The following DLGAP3 variants were observed in gnomAD, a reference collection of about 807,000 sequenced individuals.
DLGAP3 encodes the protein disks large-associated protein 3.
A neutral mutation model predicts 81.2 loss-of-function variants in DLGAP3; 17 were observed. The observed-to-expected ratio is 0.21, with a 90% CI of 0.14 to 0.31. The LOEUF (loss-of-function observed/expected upper bound fraction) is 0.31. Among genes scored for constraint, DLGAP3 ranks in the 10% least tolerant of loss-of-function variants. DLGAP3 has a pLI of 1.00. For missense variants in DLGAP3, 1,124 were observed against 1,388.0 expected, an observed-to-expected ratio of 0.81 and a Z score of 3.02; for synonymous variants, 577 against 587.4, an observed-to-expected ratio of 0.98 and a Z score of 0.26.
rs1442315991 is a variant in DLGAP3 at position 34,886,021 on chromosome 1, C to CAGGGCGCTCTCCTGCCT, written c.1600+34_1600+50dup. ...CGAGGGGGAGGCCAGAACCCGGACC[C>CAGGGCGCTCTCCTGCCT]AGGGCGCTCTCCTGCCTAGGGCCGG... On this transcript the variant is annotated intron_variant, in intron 6 of 11. Coordinates refer to ENST00000373347, the MANE Select transcript of DLGAP3 (RefSeq NM_001080418.3). 3.3e-6 allele frequency: 5 copies of CAGGGCGCTCTCCTGCCT among 1,524,194 alleles called. No homozygotes were observed. In the African/African-American group the frequency reaches 6.8e-5, roughly 21 times the overall value. The allele number at this position is 1,524,194 out of a possible 1,614,324, so 94.4% of individuals were successfully genotyped here. A position where few individuals can be genotyped will look rare whatever the true frequency, so the allele number is the denominator to read the frequency against.
At chr1:34,911,513 C>G (rs1351085786) in intron 1 of DLGAP3, among the ~76,000 whole-genome samples, 1 of 152,144 alleles carries the variant, frequency 6.6e-6, no homozygotes, top group East Asian at 1.9e-4. Flanking sequence ...AAGCTGGGGG[C>G]CGACGGAAGC....
chr1:34,929,261 C>T lies in DLGAP3; in HGVS notation c.-135+190G>A, dbSNP rs1213236591. Reference sequence around the variant, plus strand: ...CTGCCCGCCCCTCGGGTCGGGCCCGCGGGCAGCCAGGCCGGGGCAGGAGCG... The same window carrying T: ...CTGCCCGCCCCTCGGGTCGGGCCCGTGGGCAGCCAGGCCGGGGCAGGAGCG... On this transcript the variant is annotated intron_variant, in intron 1 of 11. Transcript: ENST00000373347. This position sits in a 1 kb window ranked among gnomAD's most constrained non-coding sequence, Gnocchi z 6.5. 1.3e-5 allele frequency among the ~76,000 whole-genome samples: 2 copies of T among 151,154 alleles called. No homozygotes were observed. The highest frequency in any genetic ancestry group is 3.0e-5 in the Non-Finnish European group (2 of 67,574).
chr1:34,874,255 A>G (rs1639018729), intron 8 of DLGAP3, among the ~76,000 whole-genome samples: 1 of 152,180 alleles, frequency 6.6e-6, no homozygotes, highest in Admixed American at 6.5e-5. Context: ...CCAGACCTCA[A>G]CTAACTCTCC....
intron 8 of DLGAP3, among the ~76,000 whole-genome samples, chr1:34,871,184 T>A (rs1638973591): frequency 2.0e-5 from 3 of 152,102 alleles, no homozygotes; most frequent in Non-Finnish European, 4.4e-5. Context: ...CAAGACAAAG[T>A]TCAGACTTCC....
intron 1 of DLGAP3, among the ~76,000 whole-genome samples, chr1:34,919,694 C>T (rs1000617186): frequency 6.6e-6 from 1 of 152,144 alleles, no homozygotes; most frequent in Non-Finnish European, 1.5e-5. Flanking sequence ...ACAGGGGAAT[C>T]GCTTGAAAGC....
At chr1:34,872,380 A>G (rs1412941785) in intron 8 of DLGAP3, among the ~76,000 whole-genome samples, 1 of 152,200 alleles carries the variant, frequency 6.6e-6, no homozygotes, top group Admixed American at 6.5e-5. Context: ...AAACTAGTCA[A>G]GGCAACCCTC....
intron 5 of DLGAP3, among the ~76,000 whole-genome samples, chr1:34,897,439 G>A (rs563393263): frequency 6.6e-6 from 1 of 152,134 alleles, no homozygotes; most frequent in Non-Finnish European, 1.5e-5. Context: ...GGAGTGGCTG[G>A]GAAGGGGACA....
chr1:34,899,096 T>C (rs1639417366), intron 5 of DLGAP3, among the ~76,000 whole-genome samples: 1 of 151,734 alleles, frequency 6.6e-6, no homozygotes, highest in East Asian at 1.9e-4. Context: ...ACTTTTTTTT[T>C]TTTTTTTTTT....
In DLGAP3 at chr1:34,873,494, T is replaced by C. The variant is rs1639009034; in HGVS notation, c.2001-4405A>G. On this transcript the variant is annotated intron_variant, in intron 8 of 11. Coordinates refer to ENST00000373347, the MANE Select transcript of DLGAP3 (RefSeq NM_001080418.3). The surrounding 1 kb of genome is among the most constrained non-coding windows in gnomAD (Gnocchi z 4.2). Reference sequence around the variant, plus strand: ...TGAGAATGATAATAGTAGCAGTTCATAAGATTGTTGTGAGATAATATCCAT... The same window carrying C: ...TGAGAATGATAATAGTAGCAGTTCACAAGATTGTTGTGAGATAATATCCAT... Among the ~76,000 whole-genome samples the C allele has an allele frequency of 6.6e-6, 1 of 152,184 alleles. No homozygotes were observed.
chr1:34,917,316 T>C (rs1639733177), intron 1 of DLGAP3, among the ~76,000 whole-genome samples: 2 of 151,850 alleles, frequency 1.3e-5, no homozygotes, highest in Admixed American at 6.6e-5. Context: ...ATACACCTCA[T>C]GTGCATTTCC....
chr1:34,868,483 G>A lies in DLGAP3; in HGVS notation c.2485+122C>T, dbSNP rs933694345. ...CGCCACGCTCCAGTGCAGAAGACCAGTGAGGCACCAACCGAAGGGGCCTCC... is the reference window on the plus strand; with the variant it reads ...CGCCACGCTCCAGTGCAGAAGACCAATGAGGCACCAACCGAAGGGGCCTCC... On this transcript the variant is annotated intron_variant, in intron 9 of 11. Transcript: ENST00000373347. This position sits in a 1 kb window ranked among gnomAD's most constrained non-coding sequence, Gnocchi z 7.5. The A allele has an allele frequency of 1.1e-5, 9 of 802,734 alleles. No homozygotes were observed. Among genetic ancestry groups the A allele is most frequent in the African/African-American group, 1.0e-4 (6 of 59,154 alleles). 49.7% of individuals were successfully genotyped at this position (802,734 alleles called of 1,614,324 possible).
In DLGAP3 at chr1:34,867,586, G is replaced by A. The variant is rs777127004; in HGVS notation, c.2527C>T (p.Leu843Phe). 4.3e-6 allele frequency: 7 copies of A among 1,614,156 alleles called. No homozygotes were observed. The highest frequency in any genetic ancestry group is 5.9e-6 in the Non-Finnish European group (7 of 1,179,988). The change falls in exon 10 of 12, where the codon CTC becomes TTC. Residue 843 changes from leucine to phenylalanine, a missense_variant. Physicochemically the swap from Leu to Phe is conservative, Grantham distance 22. This residue lies in a region of DLGAP3 where 5 missense variants were observed against 29.5 expected (regional missense o/e 0.17). Coordinates refer to ENST00000373347, the MANE Select transcript of DLGAP3 (RefSeq NM_001080418.3). This position sits in a 1 kb window ranked among gnomAD's most constrained non-coding sequence, Gnocchi z 4.3. ...IRSAVGSTQLLLSQKVQQFFR... is the reference protein window; with the variant it reads ...IRSAVGSTQLFLSQKVQQFFR... Reference sequence around the variant, plus strand: ...AACTGCTGAACCTTCTGGGACAGGAGAAGTTGTGTGCTGCCCACAGCACTG... The same window carrying A: ...AACTGCTGAACCTTCTGGGACAGGAAAAGTTGTGTGCTGCCCACAGCACTG...
At position 34,866,259 on chromosome 1, in the gene DLGAP3, G is replaced by A; in HGVS notation, c.2764C>T (p.Arg922Trp). 6.4e-7 allele frequency: 1 copy of A among 1,557,118 alleles called. No individual in the cohort carries two copies. Among genetic ancestry groups the A allele is most frequent in the Non-Finnish European group, 8.7e-7 (1 of 1,153,402 alleles). Residue 922 changes from arginine (R) to tryptophan (W), a missense_variant, in exon 12 of 12, where the codon CGG (arginine) becomes TGG (tryptophan). This residue lies in a region of DLGAP3 where 133 missense variants were observed against 171.1 expected (regional missense o/e 0.78). Transcript: ENST00000373347. ...TCCTTCACCGGCACGCCCCGGCCCCGCAGGGGCTTCTTTGGTATCGGCGGA... is the reference window on the plus strand; with the variant it reads ...TCCTTCACCGGCACGCCCCGGCCCCACAGGGGCTTCTTTGGTATCGGCGGA... ...VPPPIPKKPL[R>W]GRGVPVKERS...
At chr1:34,893,279 C>G (rs1639342997) in intron 5 of DLGAP3, among the ~76,000 whole-genome samples, 1 of 151,650 alleles carries the variant, frequency 6.6e-6, no homozygotes, top group Non-Finnish European at 1.5e-5. Context: ...ATTTTATATC[C>G]AGCAAAACTA....
intron 8 of DLGAP3, among the ~76,000 whole-genome samples, chr1:34,879,366 T>C (rs1639111105): frequency 6.6e-6 from 1 of 152,070 alleles, no homozygotes; most frequent in South Asian, 2.1e-4. Context: ...TGCACGCAGT[T>C]CACAATAGGG....
chr1:34,914,922 G>A (rs775856855), intron 1 of DLGAP3, among the ~76,000 whole-genome samples: 26 of 152,216 alleles, frequency 1.7e-4, no homozygotes, highest in African/African-American at 5.3e-4. Context: ...CACCCTAAGC[G>A]TACCAAAGAC....
At position 34,884,960 on chromosome 1, in the gene DLGAP3, C is replaced by T. The variant is rs1336972258; in HGVS notation, c.2000+18G>A. 1.9e-6 allele frequency: 3 copies of T among 1,599,630 alleles called. No individual in the cohort carries two copies. The highest frequency in any genetic ancestry group is 2.6e-6 in the Non-Finnish European group (3 of 1,168,122). On this transcript the variant is annotated intron_variant, in intron 8 of 11. Transcript: ENST00000373347. ...CCTGTCTCCCAGCGAAGCCTGGGCA[C>T]TCCCACCGTGACTTTACCTCTTGTC... is the stretch of plus-strand genomic sequence containing the variant.
In DLGAP3 at chr1:34,902,591, C is replaced by A. The variant is rs1233287512; in HGVS notation, c.1107+1686G>T. 6.6e-6 allele frequency among the ~76,000 whole-genome samples: 1 copy of A among 152,036 alleles called. No homozygotes were observed. Among genetic ancestry groups the A allele is most frequent in the Non-Finnish European group, 1.5e-5 (1 of 67,984 alleles). ...GGAGGGTCCCTATAGCCCTTTGGTTCTTCCCCACATGGGCTCAGACTTCCC... is the reference window on the plus strand; with the variant it reads ...GGAGGGTCCCTATAGCCCTTTGGTTATTCCCCACATGGGCTCAGACTTCCC... On this transcript the variant is annotated intron_variant, in intron 3 of 11. Transcript: ENST00000373347. This position sits in a 1 kb window ranked among gnomAD's most constrained non-coding sequence, Gnocchi z 4.4.
At chr1:34,891,046 G>T (rs1328123035) in intron 5 of DLGAP3, among the ~76,000 whole-genome samples, 3 of 151,888 alleles carry the variant, frequency 2.0e-5, no homozygotes, top group Non-Finnish European at 4.4e-5. Context: ...AAGCTTAAAA[G>T]ATAAAACTGA....
Sources: gnomAD v4.1 joint callset for allele counts (sites outside exome capture counted in the v4.1 genomes callset) on GRCh38, gnomAD v4.1.1 for gene constraint, gnomAD v4.1.1 regional missense constraint, Gnocchi (gnomAD v3.1) non-coding constraint, MANE v1.5 for transcripts, NCBI Gene and HGNC (gene_info 2026-07-23, HGNC 2026-07-21) for gene names.